SLC24A2: variants seen among roughly 807,000 people sequenced by gnomAD.
The protein encoded by SLC24A2 is sodium/potassium/calcium exchanger 2.
SLC24A2 carries 36 observed loss-of-function variants against 62.0 expected under a neutral mutation model. The observed-to-expected ratio is 0.58, with a 90% CI of 0.44 to 0.77. The LOEUF (loss-of-function observed/expected upper bound fraction) is 0.77. SLC24A2 is among the 30% of genes least tolerant of loss of function. SLC24A2 has a pLI of 0.00. For missense variants in SLC24A2, 846 were observed against 817.9 expected (o/e 1.03, Z -0.42); for synonymous variants, 358 against 294.0 (o/e 1.22, Z -2.23).
At chr9:20,133,275 C>T in the SLC24A2 span, among the ~76,000 whole-genome samples, 1 of 152,062 alleles carries the variant, frequency 6.6e-6, no homozygotes, top group Admixed American at 6.6e-5. Context: ...ACTGGATCTG[C>T]TTCTCAGATT....
chr9:20,088,457 T>G, the SLC24A2 span, among the ~76,000 whole-genome samples: 101,254 of 152,072 alleles, frequency 0.67, 34,734 homozygotes, highest in East Asian at 0.95. Flanking sequence ...TTTTTATGTG[T>G]GTCCCAGATC....
the SLC24A2 span, among the ~76,000 whole-genome samples, chr9:19,994,431 CT>C: frequency 6.6e-6 from 1 of 152,198 alleles, no homozygotes. Context: ...ATACAAATTC[CT>C]GACTAGAACA....
At chr9:19,955,243 A>C in the SLC24A2 span, among the ~76,000 whole-genome samples, 1 of 152,124 alleles carries the variant, frequency 6.6e-6, no homozygotes. Context: ...AAAGAGATAA[A>C]GTTATTATTC....
chr9:20,204,302 GA>G, the SLC24A2 span, among the ~76,000 whole-genome samples: 1 of 152,168 alleles, frequency 6.6e-6, no homozygotes, highest in Non-Finnish European at 1.5e-5. Context: ...GTAACTTACT[GA>G]ATTAAAAATT....
chr9:19,769,388 G>T (rs953494281), intron 2 of SLC24A2, among the ~76,000 whole-genome samples: 2 of 152,176 alleles, frequency 1.3e-5, no homozygotes, highest in Admixed American at 1.3e-4. Flanking sequence ...TGAACATGTG[G>T]GTCACTCTGC....
chr9:19,828,728 A>G, the SLC24A2 span, among the ~76,000 whole-genome samples: 1 of 152,206 alleles, frequency 6.6e-6, no homozygotes, highest in Non-Finnish European at 1.5e-5. Context: ...AAAAGTGAAC[A>G]GGTGTCACAA....
chr9:19,732,686 C>A (rs1390216047), intron 2 of SLC24A2, among the ~76,000 whole-genome samples: 1 of 152,158 alleles, frequency 6.6e-6, no homozygotes, highest in African/African-American at 2.4e-5. Flanking sequence ...GGTTCTCCCT[C>A]TGCAGCCACT....
At chr9:20,249,795 T>A in the SLC24A2 span, among the ~76,000 whole-genome samples, 2 of 152,058 alleles carry the variant, frequency 1.3e-5, no homozygotes, top group African/African-American at 2.4e-5. Context: ...ATGACTATTA[T>A]TATTTATAAT....
the SLC24A2 span, among the ~76,000 whole-genome samples, chr9:19,813,241 G>A: frequency 2.0e-5 from 3 of 151,356 alleles, no homozygotes; most frequent in African/African-American, 7.3e-5. Context: ...TCTTGCCCTG[G>A]CTCAGAATGG....
chr9:19,613,651 G>GTAA (rs1817688825), intron 4 of SLC24A2, among the ~76,000 whole-genome samples: 2 of 152,114 alleles, frequency 1.3e-5, no homozygotes, highest in Admixed American at 1.3e-4. Context: ...AGTAGTAGTA[G>GTAA]TAATAATAAT....
the SLC24A2 span, among the ~76,000 whole-genome samples, chr9:19,917,240 C>T: frequency 6.6e-6 from 1 of 150,632 alleles, no homozygotes; most frequent in Admixed American, 6.6e-5. Flanking sequence ...AATGTTATTT[C>T]TTTAGGAAAT....
intron 5 of SLC24A2, among the ~76,000 whole-genome samples, chr9:19,582,940 A>G (rs1836251288): frequency 6.6e-6 from 1 of 151,964 alleles, no homozygotes; most frequent in Non-Finnish European, 1.5e-5. Context: ...ACCAGCACCA[A>G]GTCACATAGG....
At chr9:19,547,189 T>G (rs60562039) in intron 8 of SLC24A2, among the ~76,000 whole-genome samples, 9,133 of 152,214 alleles carry the variant, frequency 0.06, 888 homozygotes, top group African/African-American at 0.21. Flanking sequence ...ACCAAAGTGT[T>G]CTTCCTAAGA....
intron 5 of SLC24A2, among the ~76,000 whole-genome samples, chr9:19,583,119 T>C (rs12349997): frequency 0.17 from 25,370 of 152,052 alleles, 2,235 homozygotes; most frequent in East Asian, 0.29. Context: ...TTACTGATTC[T>C]GTGCAGTGAA....
At chr9:20,288,805 T>C in the SLC24A2 span, among the ~76,000 whole-genome samples, 3 of 151,748 alleles carry the variant, frequency 2.0e-5, no homozygotes, top group Non-Finnish European at 4.4e-5. Flanking sequence ...CCAGGCTACG[T>C]TACCTCTCTG....
chr9:20,019,077 GA>G, the SLC24A2 span, among the ~76,000 whole-genome samples: 2 of 104,012 alleles, frequency 1.9e-5, no homozygotes, highest in Admixed American at 3.0e-4. Context: ...AAGAAACAGA[GA>G]AAGAGAGAAA....
chr9:19,544,606 C>T (rs1834455767), intron 8 of SLC24A2, among the ~76,000 whole-genome samples: 1 of 152,116 alleles, frequency 6.6e-6, no homozygotes, highest in Admixed American at 6.5e-5. Flanking sequence ...CCTTCAGGAG[C>T]TCTTGTAAGG....
chr9:20,158,762 G>C, the SLC24A2 span, among the ~76,000 whole-genome samples: 5 of 151,478 alleles, frequency 3.3e-5, no homozygotes, highest in African/African-American at 1.2e-4. Flanking sequence ...CTTATAATGG[G>C]AGTCTCTGAG....
At chr9:20,038,146 A>T in the SLC24A2 span, among the ~76,000 whole-genome samples, 1 of 152,182 alleles carries the variant, frequency 6.6e-6, no homozygotes, top group Non-Finnish European at 1.5e-5. Flanking sequence ...ATATTCCCAT[A>T]TAATTAGAGG....
Sources: allele counts gnomAD v4.1 joint callset (sites outside exome capture counted in the v4.1 genomes callset), GRCh38; gene constraint gnomAD v4.1.1; transcripts MANE v1.5; gene names NCBI Gene and HGNC (gene_info 2026-07-23, HGNC 2026-07-21).